The following PTPRD variants were observed in gnomAD, a reference collection of about 807,000 sequenced individuals.
PTPRD encodes the protein receptor-type tyrosine-protein phosphatase delta.
PTPRD carries 34 observed loss-of-function variants against 214.5 expected under a neutral mutation model. The ratio of observed to expected loss-of-function variants is 0.16; its 90% CI spans 0.12 to 0.21. The LOEUF (loss-of-function observed/expected upper bound fraction) is 0.21. Among genes scored for constraint, PTPRD ranks in the 10% least tolerant of loss-of-function variants. The pLI, the probability that PTPRD is intolerant of heterozygous loss-of-function variation, is 1.00. For synonymous variants in PTPRD, 1,128 were observed against 845.7 expected (o/e 1.33, Z -5.79); for missense variants, 2,545 against 2,398.7 (o/e 1.06, Z -1.27).
chr9:10,245,467 A>G (rs1477651500), intron 3 of PTPRD, among the ~76,000 whole-genome samples: 2 of 152,198 alleles, frequency 1.3e-5, no homozygotes, highest in African/African-American at 2.4e-5. Flanking sequence ...TATCTGTTCA[A>G]TTAATACTCA....
intron 3 of PTPRD, among the ~76,000 whole-genome samples, chr9:10,304,828 C>A (rs1051086072): frequency 6.6e-6 from 1 of 152,130 alleles, no homozygotes; most frequent in African/African-American, 2.4e-5. Context: ...AATGGCCATA[C>A]TGCCCAAAGT....
chr9:10,154,032 TG>T (rs1414344082), intron 3 of PTPRD, among the ~76,000 whole-genome samples: 3 of 151,850 alleles, frequency 2.0e-5, no homozygotes, highest in Non-Finnish European at 4.4e-5. Flanking sequence ...ATGGTAGTTC[TG>T]TTTTGAGAAA....
At chr9:9,404,752 T>G (rs2072570921) in intron 8 of PTPRD, among the ~76,000 whole-genome samples, 1 of 151,978 alleles carries the variant, frequency 6.6e-6, no homozygotes, top group Non-Finnish European at 1.5e-5. Flanking sequence ...ATGTATGAAG[T>G]CAAGGGAATT....
At chr9:9,568,368 T>C (rs1229648528) in intron 8 of PTPRD, among the ~76,000 whole-genome samples, 2 of 151,862 alleles carry the variant, frequency 1.3e-5, no homozygotes, top group Non-Finnish European at 1.5e-5. Flanking sequence ...GAATCAGGCT[T>C]CCTAAGTTCC....
At chr9:9,311,008 C>T (rs1958829137) in intron 9 of PTPRD, among the ~76,000 whole-genome samples, 1 of 150,266 alleles carries the variant, frequency 6.7e-6, no homozygotes, top group South Asian at 2.1e-4. Context: ...AGTGAGTGCT[C>T]TTAGGAGAGT....
chr9:9,975,939 C>T (rs6477434), intron 4 of PTPRD, among the ~76,000 whole-genome samples: 116,151 of 152,084 alleles, frequency 0.76, 44,920 homozygotes, highest in Middle Eastern at 0.89. Context: ...GTGCTACTAA[C>T]GTTAAGTGAA....
intron 4 of PTPRD, among the ~76,000 whole-genome samples, chr9:9,987,987 T>G (rs1018823604): frequency 6.6e-6 from 1 of 152,200 alleles, no homozygotes; most frequent in Non-Finnish European, 1.5e-5. Flanking sequence ...TTCATTATAA[T>G]CGAGTCAAAA....
chr9:10,248,528 A>C (rs1406521923), intron 3 of PTPRD, among the ~76,000 whole-genome samples: 3 of 144,260 alleles, frequency 2.1e-5, no homozygotes, highest in East Asian at 2.0e-4. Flanking sequence ...AAAAAAAAAT[A>C]AAAAAAATAA....
intron 3 of PTPRD, among the ~76,000 whole-genome samples, chr9:10,175,916 T>A (rs890799916): frequency 6.6e-6 from 1 of 152,026 alleles, no homozygotes; most frequent in African/African-American, 2.4e-5. Flanking sequence ...AGGAAGGTTA[T>A]TCTTAATAGC....
At chr9:9,669,273 G>T (rs539182219) in intron 7 of PTPRD, among the ~76,000 whole-genome samples, 5 of 152,230 alleles carry the variant, frequency 3.3e-5, no homozygotes, top group Admixed American at 1.3e-4. Context: ...CAGTTGGCGA[G>T]ATACACAAGG....
chr9:10,129,724 A>C (rs2098845505), intron 3 of PTPRD, among the ~76,000 whole-genome samples: 1 of 151,994 alleles, frequency 6.6e-6, no homozygotes, highest in African/African-American at 2.4e-5. Context: ...GTAGCAAAGT[A>C]AAGTCTTGTA....
intron 8 of PTPRD, among the ~76,000 whole-genome samples, chr9:9,543,694 A>G (rs990476760): frequency 1.3e-5 from 2 of 151,592 alleles, no homozygotes; most frequent in Non-Finnish European, 3.0e-5. Context: ...TGTTACTGAA[A>G]ACAAACAACA....
chr9:9,816,312 C>T (rs2048755947), intron 5 of PTPRD, among the ~76,000 whole-genome samples: 1 of 151,816 alleles, frequency 6.6e-6, no homozygotes, highest in African/African-American at 2.4e-5. Context: ...ATAATAAAGA[C>T]CTATAATGTA....
At chr9:9,855,830 CT>C (rs2061451004) in intron 5 of PTPRD, among the ~76,000 whole-genome samples, 2 of 152,188 alleles carry the variant, frequency 1.3e-5, no homozygotes, top group African/African-American at 4.8e-5. Flanking sequence ...CATGTTAGGG[CT>C]TTTTAGCTCT....
chr9:9,923,779 G>A (rs1272488447), intron 5 of PTPRD, among the ~76,000 whole-genome samples: 3 of 151,830 alleles, frequency 2.0e-5, no homozygotes, highest in Admixed American at 6.6e-5. Context: ...ACTTCTCATG[G>A]GCCGTATTTT....
intron 8 of PTPRD, among the ~76,000 whole-genome samples, chr9:9,413,006 T>G (rs2075924052): frequency 6.6e-6 from 1 of 151,730 alleles, no homozygotes; most frequent in South Asian, 2.1e-4. Flanking sequence ...ATGCATCAGA[T>G]ACTCCATCTT....
chr9:8,838,923 C>A (rs556127218), intron 11 of PTPRD, among the ~76,000 whole-genome samples: 4 of 151,814 alleles, frequency 2.6e-5, no homozygotes, highest in Non-Finnish European at 4.4e-5. Context: ...AGAAAAAAAA[C>A]CATCAACAGA....
intron 34 of PTPRD, among the ~76,000 whole-genome samples, chr9:8,445,855 T>C (rs1299497352): frequency 1.3e-5 from 2 of 152,194 alleles, no homozygotes; most frequent in Non-Finnish European, 2.9e-5. Context: ...ACCAAGAACT[T>C]TGTTGCCACT....
chr9:9,973,539 A>C (rs1296712628), intron 4 of PTPRD, among the ~76,000 whole-genome samples: 1 of 152,078 alleles, frequency 6.6e-6, no homozygotes, highest in East Asian at 1.9e-4. Flanking sequence ...ACTTATTCAG[A>C]AAATTGCCTT....
Sources: allele counts gnomAD v4.1 joint callset (sites outside exome capture counted in the v4.1 genomes callset), GRCh38; gene constraint gnomAD v4.1.1; transcripts MANE v1.5; gene names NCBI Gene and HGNC (gene_info 2026-07-23, HGNC 2026-07-21).